The following ZBTB20 variants were observed in gnomAD, a reference collection of about 807,000 sequenced individuals.
ZBTB20 encodes zinc finger and BTB domain containing 20.
A neutral mutation model predicts 56.9 loss-of-function variants in ZBTB20; 9 were observed. The ratio of observed to expected loss-of-function variants is 0.16; its 90% CI spans 0.10 to 0.28. The LOEUF (loss-of-function observed/expected upper bound fraction) is 0.28. ZBTB20 is among the 10% of genes least tolerant of loss of function. ZBTB20 has a pLI of 1.00. For missense variants in ZBTB20, 655 were observed against 1,003.0 expected (o/e 0.65, Z 4.69); for synonymous variants, 417 against 420.7 (o/e 0.99, Z 0.11).
Position 114,317,691 on chromosome 3 carries a change from A to T in ZBTB20, c.*21314T>A, listed in dbSNP as rs1030407003. The T allele has an allele frequency of 6.6e-6, 1 of 152,160 alleles. No homozygotes were observed. The highest frequency in any genetic ancestry group is 2.4e-5 in the African/African-American group (1 of 41,428). The allele number at this position is 152,160 out of a possible 1,614,324, so 9.4% of individuals were successfully genotyped here. On this transcript the variant is annotated 3_prime_UTR_variant, in exon 12 of 12. Coordinates refer to ENST00000675478, the MANE Select transcript of ZBTB20 (RefSeq NM_001348800.3). ...ACATCAACCTCCCCTATCACTTTTT[A>T]AAAAAATTGTAAAGAGGAAGAGGTT...
chr3:114,944,596 A>C (rs1220127567), intron 3 of ZBTB20, among the ~76,000 whole-genome samples: 1 of 145,762 alleles, frequency 6.9e-6, no homozygotes, highest in Non-Finnish European at 1.5e-5. Context: ...CATCAGCATA[A>C]AAACAGATAA....
At chr3:114,482,489 C>T (rs1305666586) in intron 7 of ZBTB20, among the ~76,000 whole-genome samples, 2 of 152,166 alleles carry the variant, frequency 1.3e-5, no homozygotes, top group Non-Finnish European at 2.9e-5. Flanking sequence ...GGGTCAGTCA[C>T]TCTTAAATTT....
At position 114,351,853 on chromosome 3, in the gene ZBTB20, G is replaced by C; in HGVS notation, c.225C>G (p.Thr75=). 1 of 1,597,628 alleles carries C rather than the reference G, an allele frequency of 6.3e-7. No individual in the cohort carries two copies. Among genetic ancestry groups the C allele is most frequent in the Non-Finnish European group, 8.6e-7 (1 of 1,167,310 alleles). The change falls in exon 11 of 12, where the codon ACC becomes ACG. Residue 75 remains threonine, a synonymous_variant. Transcript: ENST00000675478. The part of the protein sequence containing the change: ...SDCDISCKGM[T]ERIHSINLHN... ...GAAGGTTGATGCTGTGAATGCGCTC[G>C]GTCATCCCCTTGCAACTGATGTCAC...
intron 3 of ZBTB20, among the ~76,000 whole-genome samples, chr3:114,968,518 C>A (rs772151250): frequency 6.6e-6 from 1 of 152,144 alleles, no homozygotes; most frequent in African/African-American, 2.4e-5. Context: ...CTTGGAATGC[C>A]TTTGAATAAG....
At chr3:114,890,543 T>C (rs750133195) in intron 4 of ZBTB20, among the ~76,000 whole-genome samples, 45 of 152,166 alleles carry the variant, frequency 3.0e-4, no homozygotes, top group Non-Finnish European at 4.7e-4. Flanking sequence ...TAGGTGGGAA[T>C]TGAACAATGA....
At chr3:114,930,914 T>C (rs529935936) in intron 3 of ZBTB20, 97 of 207,908 alleles carry the variant, frequency 4.7e-4, no homozygotes, top group Middle Eastern at 2.6e-3. Context: ...GCAGTAAGTA[T>C]GCAGCTGACC....
chr3:114,345,085 A>C (rs2080083983), intron 11 of ZBTB20, among the ~76,000 whole-genome samples: 1 of 152,242 alleles, frequency 6.6e-6, no homozygotes, highest in African/African-American at 2.4e-5. Flanking sequence ...CTGTGAAAAG[A>C]ATGTATCTGT....
At chr3:114,861,232 T>C (rs532876442) in intron 4 of ZBTB20, among the ~76,000 whole-genome samples, 3 of 152,330 alleles carry the variant, frequency 2.0e-5, no homozygotes, top group Admixed American at 2.0e-4. Flanking sequence ...TATCTCACTT[T>C]ATTATTTTTC....
At chr3:114,855,240 C>T (rs944786009) in intron 4 of ZBTB20, among the ~76,000 whole-genome samples, 14 of 152,182 alleles carry the variant, frequency 9.2e-5, no homozygotes, top group South Asian at 2.1e-4. Context: ...GTGAACCTTT[C>T]GTAATTATTT....
Position 114,322,657 on chromosome 3 carries a change from A to G in ZBTB20, c.*16348T>C, listed in dbSNP as rs1268352333. 2.0e-5 allele frequency: 3 copies of G among 152,218 alleles called. No individual in the cohort carries two copies. The highest frequency in any genetic ancestry group is 4.4e-5 in the Non-Finnish European group (3 of 68,034). The allele number at this position is 152,218 out of a possible 1,614,324, so 9.4% of individuals were successfully genotyped here. ...GTCAATGTCCTCTTAGTGATTACCCAATACTTATTTCTAAGTACCTGTTAA... is the reference window on the plus strand; with the variant it reads ...GTCAATGTCCTCTTAGTGATTACCCGATACTTATTTCTAAGTACCTGTTAA... On this transcript the variant is annotated 3_prime_UTR_variant, in exon 12 of 12. Transcript: ENST00000675478.
chr3:114,641,900 A>C (rs2059582510), intron 6 of ZBTB20, among the ~76,000 whole-genome samples: 1 of 152,044 alleles, frequency 6.6e-6, no homozygotes, highest in African/African-American at 2.4e-5. Context: ...ATTTCTTTAA[A>C]ACTTTGAAGT....
intron 2 of ZBTB20, among the ~76,000 whole-genome samples, chr3:115,041,979 C>A (rs561560309): frequency 3.3e-5 from 5 of 152,046 alleles, no homozygotes; most frequent in Non-Finnish European, 7.4e-5. Flanking sequence ...TAGGAGGTAA[C>A]TTTTATTTCT....
At chr3:115,013,571 T>C (rs999069742) in intron 2 of ZBTB20, among the ~76,000 whole-genome samples, 2 of 151,710 alleles carry the variant, frequency 1.3e-5, no homozygotes, top group Non-Finnish European at 3.0e-5. Context: ...GCCCACTACC[T>C]GATGGCTTCC....
At chr3:114,642,062 A>G (rs1312078565) in intron 6 of ZBTB20, among the ~76,000 whole-genome samples, 2 of 152,010 alleles carry the variant, frequency 1.3e-5, no homozygotes, top group Non-Finnish European at 1.5e-5. Context: ...ATTTTCAGGT[A>G]TGCACAAGGT....
chr3:114,612,549 A>G (rs1464139298), intron 6 of ZBTB20, among the ~76,000 whole-genome samples: 1 of 152,214 alleles, frequency 6.6e-6, no homozygotes, highest in Non-Finnish European at 1.5e-5. Flanking sequence ...CAGGAACACA[A>G]TAAATATATA....
chr3:114,628,588 C>T (rs974282739), intron 6 of ZBTB20, among the ~76,000 whole-genome samples: 3 of 152,082 alleles, frequency 2.0e-5, no homozygotes, highest in Non-Finnish European at 4.4e-5. Flanking sequence ...TCACCTCCAC[C>T]ACCCATTGCC....
At chr3:114,532,129 T>C (rs1402448726) in intron 6 of ZBTB20, among the ~76,000 whole-genome samples, 2 of 152,132 alleles carry the variant, frequency 1.3e-5, no homozygotes, top group Non-Finnish European at 2.9e-5. Flanking sequence ...GCAATGCCAG[T>C]GAGACAGAAC....
chr3:114,529,884 C>T (rs138826833), intron 6 of ZBTB20, among the ~76,000 whole-genome samples: 1 of 152,214 alleles, frequency 6.6e-6, no homozygotes, highest in East Asian at 1.9e-4. Context: ...TAAAGAAATT[C>T]GTAGTAGTAA....
intron 4 of ZBTB20, among the ~76,000 whole-genome samples, chr3:114,834,342 G>A (rs1579076245): frequency 6.6e-6 from 1 of 151,990 alleles, no homozygotes; most frequent in East Asian, 1.9e-4. Flanking sequence ...TTCCAACAGT[G>A]CCTATGACAT....
Sources: allele counts gnomAD v4.1 joint callset (sites outside exome capture counted in the v4.1 genomes callset), GRCh38; gene constraint gnomAD v4.1.1; transcripts MANE v1.5; gene names NCBI Gene and HGNC (gene_info 2026-07-23, HGNC 2026-07-21).